MGLL: variants seen among roughly 807,000 people sequenced by gnomAD.
MGLL encodes the protein lysophospholipase homolog.
A neutral mutation model predicts 29.1 loss-of-function variants in MGLL; 7 were observed. The observed-to-expected ratio is 0.24, with a 90% CI of 0.14 to 0.45. The LOEUF (loss-of-function observed/expected upper bound fraction) is 0.45. Among genes scored for constraint, MGLL ranks in the 20% least tolerant of loss-of-function variants. The probability of loss-of-function intolerance (pLI) is 0.99; values close to 1 mark genes in which losing one functional copy is unlikely to be tolerated. For missense variants in MGLL, 356 were observed against 413.6 expected, an observed-to-expected ratio of 0.86 and a Z score of 1.21; for synonymous variants, 148 against 168.3, an observed-to-expected ratio of 0.88 and a Z score of 0.93.
intron 5 of MGLL, among the ~76,000 whole-genome samples, chr3:127,717,851 G>T (rs1222903826): frequency 6.6e-6 from 1 of 152,124 alleles, no homozygotes; most frequent in African/African-American, 2.4e-5. Flanking sequence ...TCCAGCTGGG[G>T]GGCCACAGTT....
chr3:127,778,767 T>G (rs1364902027), intron 3 of MGLL, among the ~76,000 whole-genome samples: 1 of 152,014 alleles, frequency 6.6e-6, no homozygotes, highest in Non-Finnish European at 1.5e-5. Flanking sequence ...TTTTTTTTCT[T>G]TTTGAGACAG....
intron 6 of MGLL, among the ~76,000 whole-genome samples, chr3:127,706,066 G>C (rs1421101740): frequency 6.6e-6 from 1 of 152,180 alleles, no homozygotes; most frequent in Non-Finnish European, 1.5e-5. Context: ...AGCAGAATAT[G>C]ACCCAGCAAT....
chr3:127,736,851 C>T (rs539266907), intron 3 of MGLL, among the ~76,000 whole-genome samples: 42 of 152,294 alleles, frequency 2.8e-4, no homozygotes, highest in Middle Eastern at 3.4e-3. Context: ...CATGTCACCA[C>T]GCCTGGCTAA....
chr3:127,810,947 C>T lies in MGLL; in HGVS notation c.155+10747G>A, dbSNP rs1377554525. On this transcript the variant is annotated intron_variant, in intron 2 of 7. Transcript: ENST00000265052. Reference sequence around the variant, plus strand: ...CTCCCACTCGTAGATGCATTTCACACAGAGTTTTACAGCAAAGCTAACCAA... The same window carrying T: ...CTCCCACTCGTAGATGCATTTCACATAGAGTTTTACAGCAAAGCTAACCAA... 4.3e-5 allele frequency among the ~76,000 whole-genome samples: 6 copies of T among 139,206 alleles called. 1 individual carries two copies. Among genetic ancestry groups the T allele is most frequent in the African/African-American group, 2.0e-4 (6 of 29,420 alleles). 91.3% of individuals were successfully genotyped at this position (139,206 alleles called of 152,430 possible). A position where few individuals can be genotyped will look rare whatever the true frequency, so the allele number is the denominator to read the frequency against.
chr3:127,772,231 A>C (rs780784991), intron 3 of MGLL, among the ~76,000 whole-genome samples: 5 of 152,120 alleles, frequency 3.3e-5, no homozygotes, highest in African/African-American at 4.8e-5. Context: ...TAAAGGATGA[A>C]GCCACAATTC....
At chr3:127,705,754 C>T (rs1355955866) in intron 6 of MGLL, among the ~76,000 whole-genome samples, 8 of 140,548 alleles carry the variant, frequency 5.7e-5, no homozygotes, top group East Asian at 2.0e-4. Context: ...CCAGCCTGGG[C>T]GACGAGAGAG....
Position 127,821,591 on chromosome 3 carries a change from T to C in MGLL, c.155+103A>G, listed in dbSNP as rs1195744187. On this transcript the variant is annotated intron_variant, in intron 2 of 7. Transcript: ENST00000265052. ...TTAAAACGGCAGGGGAAGTAGGTCA[T>C]AGAGAAAGCGGCCCCGCCCCAGATG... 6.7e-6 allele frequency: 9 copies of C among 1,348,428 alleles called. No individual in the cohort carries two copies. The South Asian group carries it at 7.1e-5, about 11-fold the overall frequency. The allele number at this position is 1,348,428 out of a possible 1,614,324, so 83.5% of individuals were successfully genotyped here.
intron 5 of MGLL, chr3:127,715,782 C>G (rs1196619872): frequency 2.2e-6 from 1 of 456,626 alleles, no homozygotes; most frequent in African/African-American, 2.0e-5. Context: ...ATGACTGCTG[C>G]TCCTGCTCTC....
intron 6 of MGLL, among the ~76,000 whole-genome samples, chr3:127,696,689 T>C (rs567873046): frequency 7.9e-5 from 12 of 152,092 alleles, no homozygotes; most frequent in African/African-American, 2.7e-4. Context: ...GCTGGGATTA[T>C]AGGCATGAGC....
chr3:127,787,136 G>C (rs1373193711), intron 2 of MGLL, among the ~76,000 whole-genome samples: 1 of 152,246 alleles, frequency 6.6e-6, no homozygotes, highest in African/African-American at 2.4e-5. Flanking sequence ...ATGAGGAGGA[G>C]GATTCAGGGC....
intron 4 of MGLL, among the ~76,000 whole-genome samples, chr3:127,721,633 C>T (rs782295): frequency 0.056 from 8,300 of 147,258 alleles, 652 homozygotes; most frequent in East Asian, 0.34. Context: ...TGGGAGTGAA[C>T]GTGGATGGTG....
At chr3:127,725,428 A>C (rs570268125) in intron 3 of MGLL, among the ~76,000 whole-genome samples, 1 of 152,276 alleles carries the variant, frequency 6.6e-6, no homozygotes, top group Non-Finnish European at 1.5e-5. Context: ...CATCCACCCG[A>C]TTCCCTATCT....
intron 2 of MGLL, among the ~76,000 whole-genome samples, chr3:127,799,078 C>T (rs1340941456): frequency 6.6e-6 from 1 of 152,216 alleles, no homozygotes; most frequent in South Asian, 2.1e-4. Context: ...ACTCATTGTT[C>T]TCTCGAGGAC....
intron 6 of MGLL, among the ~76,000 whole-genome samples, chr3:127,707,549 T>C (rs1397682593): frequency 6.6e-6 from 1 of 152,250 alleles, no homozygotes; most frequent in African/African-American, 2.4e-5. Context: ...ACTTCTTTGT[T>C]CCCTGGGTTT....
rs1221011987 is a variant in MGLL, at chr3:127,726,620, C to T, written c.263-4054G>A. The stretch of plus-strand genomic sequence containing the variant: ...ATTTTTTTCTATTTTTCAGTAGAGA[C>T]GGTGTTTCACCATGTTAGCCAGGAT... On this transcript the variant is annotated intron_variant, in intron 3 of 7. Transcript: ENST00000265052. Among the ~76,000 whole-genome samples, 7 of 151,980 alleles carry T rather than the reference C, an allele frequency of 4.6e-5. No individual in the cohort carries two copies. In the South Asian group the frequency reaches 1.5e-3, roughly 32 times the overall value.
rs1186952178 is a variant in MGLL at position 127,692,229 on chromosome 3, G to C, written c.911C>G (p.Thr304Arg). 6.2e-7 allele frequency: 1 copy of C among 1,613,402 alleles called. No homozygotes were observed. The highest frequency in any genetic ancestry group is 1.7e-5 in the Admixed American group (1 of 59,862). The change falls in exon 8 of 8, where the codon ACA (threonine) becomes AGA (arginine). Residue 304 changes from threonine (T) to arginine (R), a missense_variant. By Grantham distance (71) the Thr-to-Arg change is moderately conservative. Coordinates refer to ENST00000265052, the MANE Select transcript of MGLL (RefSeq NM_007283.7). ...HEINMWVSQR[T>R]ATAGTASPP ...TGGGGACGCAGTTCCTGCCGTGGCT[G>C]TCCTTTGAGAGACCCACATGTTTAT...
At chr3:127,748,844 G>A (rs555913838) in intron 3 of MGLL, among the ~76,000 whole-genome samples, 105 of 152,244 alleles carry the variant, frequency 6.9e-4, no homozygotes, top group African/African-American at 2.5e-3. Context: ...CCCGAGTGGT[G>A]TGCAGCTCCC....
chr3:127,727,731 A>C (rs2076073992), intron 3 of MGLL, among the ~76,000 whole-genome samples: 1 of 147,790 alleles, frequency 6.8e-6, no homozygotes, highest in Non-Finnish European at 1.5e-5. Flanking sequence ...AAAAAAAAAC[A>C]GAGCAAGAAA....
At chr3:127,796,946 T>A (rs1474903560) in intron 2 of MGLL, among the ~76,000 whole-genome samples, 1 of 152,148 alleles carries the variant, frequency 6.6e-6, no homozygotes, top group African/African-American at 2.4e-5. Flanking sequence ...TGGGCACTTA[T>A]CACATTCCCC....
Sources: gnomAD v4.1 joint callset for allele counts (sites outside exome capture counted in the v4.1 genomes callset) on GRCh38, gnomAD v4.1.1 for gene constraint, MANE v1.5 for transcripts, NCBI Gene and HGNC (gene_info 2026-07-23, HGNC 2026-07-21) for gene names.